Variants in MIX23 observed in about 807,000 individuals in gnomAD.
MIX23 encodes protein MIX23.
Under a neutral mutation model 21.6 loss-of-function variants are expected in MIX23, and 13 were observed. That is an observed-to-expected ratio of 0.60 (90% CI 0.39 to 0.96). The LOEUF is 0.96. MIX23 is among the 40% of genes least tolerant of loss of function. The pLI is 0.00. For missense variants in MIX23, 144 were observed against 171.2 expected, an observed-to-expected ratio of 0.84 and a Z score of 0.89; for synonymous variants, 59 against 58.0, an observed-to-expected ratio of 1.02 and a Z score of -0.08.
intron 1 of MIX23, among the ~76,000 whole-genome samples, chr3:122,373,515 C>A (rs1317487138): frequency 6.6e-6 from 1 of 152,180 alleles, no homozygotes; most frequent in African/African-American, 2.4e-5. Context: ...CTCAAGCGAT[C>A]CACCGGCCTC....
chr3:122,368,026 A>G, intron 3 of MIX23, 150 bp downstream of exon 3: 1 of 653,470 alleles, frequency 1.5e-6, no homozygotes, highest in Admixed American at 2.9e-5. Flanking sequence ...ATAATAAAAT[A>G]AAGCTCACTA....
chr3:122,382,950 G>A, intron 1 of MIX23, among the ~76,000 whole-genome samples: 1 of 152,180 alleles, frequency 6.6e-6, no homozygotes, highest in Non-Finnish European at 1.5e-5. Flanking sequence ...AGACAAGGCC[G>A]GAGAGCCGCG....
chr3:122,375,551 G>T (rs1037811441), intron 1 of MIX23, among the ~76,000 whole-genome samples: 1 of 152,232 alleles, frequency 6.6e-6, no homozygotes, highest in Non-Finnish European at 1.5e-5. Context: ...TGTGGTAGTA[G>T]CGAACAGATG....
chr3:122,377,619 C>T (rs932034599), intron 1 of MIX23, among the ~76,000 whole-genome samples: 4 of 152,088 alleles, frequency 2.6e-5, no homozygotes, highest in African/African-American at 4.8e-5. Flanking sequence ...CAGATTCAGG[C>T]GGGAGGACTG....
intron 2 of MIX23, among the ~76,000 whole-genome samples, chr3:122,368,695 C>T (rs1047361120): frequency 6.6e-6 from 1 of 152,182 alleles, no homozygotes; most frequent in African/African-American, 2.4e-5. Flanking sequence ...ACCACCCGCA[C>T]ACACCTGGCC....
intron 2 of MIX23, among the ~76,000 whole-genome samples, chr3:122,369,249 C>T (rs1031328857): frequency 6.6e-6 from 1 of 152,162 alleles, no homozygotes; most frequent in African/African-American, 2.4e-5. Flanking sequence ...AATAAGATCT[C>T]ATTGAAATTT....
intron 1 of MIX23, among the ~76,000 whole-genome samples, chr3:122,376,166 CAAAAAAAAA>C (rs1158747986): frequency 4.7e-5 from 3 of 64,480 alleles, no homozygotes; most frequent in African/African-American, 6.5e-5. Flanking sequence ...GACTCCGTCT[CAAAAAAAAA>C]AAAAAAAAAA....
At chr3:122,371,451 C>T (rs1332236871) in intron 2 of MIX23, among the ~76,000 whole-genome samples, 1 of 152,224 alleles carries the variant, frequency 6.6e-6, no homozygotes, top group Admixed American at 6.5e-5. Flanking sequence ...TGCTCCCATT[C>T]TTTAGAACCA....
Position 122,359,740 on chromosome 3 carries a change from A to C in MIX23, c.*129T>G. 1.2e-6 allele frequency: 1 copy of C among 854,730 alleles called. No individual in the cohort carries two copies. The highest frequency in any genetic ancestry group is 1.8e-5 in the African/African-American group (1 of 55,610). 52.9% of individuals were successfully genotyped at this position (854,730 alleles called of 1,614,324 possible). ...GCTAAGTGGGGCTGAAATCAACAAA[A>C]GGTCTTGGACTGTTGGCTCAGAAAT... On this transcript the variant is annotated 3_prime_UTR_variant, in exon 5 of 5. Coordinates refer to ENST00000291458, the MANE Select transcript of MIX23 (RefSeq NM_001017928.4).
chr3:122,381,046 G>A (rs1428143428), intron 1 of MIX23, among the ~76,000 whole-genome samples: 1 of 152,146 alleles, frequency 6.6e-6, no homozygotes, highest in Non-Finnish European at 1.5e-5. Context: ...TAGCAATACT[G>A]ATTTTCTATT....
At position 122,382,022 on chromosome 3, in the gene MIX23, T is replaced by C. The variant is rs181643344; in HGVS notation, c.51+1152A>G. Among the ~76,000 whole-genome samples the C allele has an allele frequency of 5.3e-5, 8 of 152,358 alleles. No homozygotes were observed. In the East Asian group the frequency reaches 1.5e-3, roughly 29 times the overall value. On this transcript the variant is annotated intron_variant, in intron 1 of 4. Coordinates refer to ENST00000291458, the MANE Select transcript of MIX23 (RefSeq NM_001017928.4). Reference sequence around the variant, plus strand: ...CCACCTAGTCTGTGGTATTTTGTTATGGCAGCCCTAGCGGACTAATACAGT... The same window carrying C: ...CCACCTAGTCTGTGGTATTTTGTTACGGCAGCCCTAGCGGACTAATACAGT...
chr3:122,382,974 C>G (rs564920972), intron 1 of MIX23, among the ~76,000 whole-genome samples, 200 bp downstream of exon 1: 4 of 152,276 alleles, frequency 2.6e-5, no homozygotes, highest in Non-Finnish European at 5.9e-5. Flanking sequence ...AGAACTATGA[C>G]CCCCCTCCTC....
At chr3:122,364,264 A>G (rs1190833283) in intron 3 of MIX23, among the ~76,000 whole-genome samples, 1 of 152,224 alleles carries the variant, frequency 6.6e-6, no homozygotes, top group African/African-American at 2.4e-5. Context: ...ACTGTGGAAC[A>G]AGGAGAAGGA....
chr3:122,379,808 G>C (rs1262203159), intron 1 of MIX23, among the ~76,000 whole-genome samples: 1 of 152,194 alleles, frequency 6.6e-6, no homozygotes, highest in South Asian at 2.1e-4. Flanking sequence ...AAATTCTGTA[G>C]TACTCCCAGC....
chr3:122,363,037 A>C lies in MIX23; in HGVS notation c.325-10T>G. On this transcript the variant is annotated splice_polypyrimidine_tract_variant and intron_variant, in intron 3 of 4. Transcript: ENST00000291458. The stretch of plus-strand genomic sequence containing the variant: ...ACTGCATCCATTTCAACTGCAAGAA[A>C]AAAAAAAATTGAAGTTATAAAATTT... The C allele has an allele frequency of 6.2e-7, 1 of 1,602,236 alleles. No homozygotes were observed. The highest frequency in any genetic ancestry group is 1.7e-5 in the Admixed American group (1 of 57,568).
intron 1 of MIX23, among the ~76,000 whole-genome samples, chr3:122,382,361 G>A (rs968155207): frequency 2.6e-5 from 4 of 152,170 alleles, no homozygotes; most frequent in Non-Finnish European, 5.9e-5. Context: ...GCTACAGGGA[G>A]GCTGAGGCAG....
intron 3 of MIX23, among the ~76,000 whole-genome samples, chr3:122,367,264 T>A (rs183096001): frequency 1.3e-4 from 20 of 152,270 alleles, no homozygotes; most frequent in African/African-American, 4.8e-4. Context: ...TGGGAGTTCC[T>A]TACACTATTC....
chr3:122,373,461 A>G (rs2075458624), intron 1 of MIX23, among the ~76,000 whole-genome samples: 1 of 152,158 alleles, frequency 6.6e-6, no homozygotes, highest in African/African-American at 2.4e-5. Flanking sequence ...TTTTGTAGAG[A>G]GAGGGTTTCA....
At chr3:122,382,984 C>G (rs544330492) in intron 1 of MIX23, among the ~76,000 whole-genome samples, 190 bp downstream of exon 1, 1 of 152,332 alleles carries the variant, frequency 6.6e-6, no homozygotes, top group South Asian at 2.1e-4. Context: ...CCCCCCTCCT[C>G]CCTCCTCCTA....
Sources: gnomAD v4.1 joint callset for allele counts (sites outside exome capture counted in the v4.1 genomes callset) on GRCh38, gnomAD v4.1.1 for gene constraint, MANE v1.5 for transcripts, NCBI Gene and HGNC (gene_info 2026-07-23, HGNC 2026-07-21) for gene names.